ASPRV1: variants seen among roughly 807,000 people sequenced by gnomAD.
The protein encoded by ASPRV1 is retroviral-like aspartic protease 1.
ASPRV1 carries 7 observed loss-of-function variants against 11.0 expected under a neutral mutation model. The observed-to-expected ratio is 0.64, with a 90% CI of 0.36 to 1.20. The LOEUF (loss-of-function observed/expected upper bound fraction) is 1.20. Among genes scored for constraint, ASPRV1 ranks in the 50% most tolerant of loss-of-function variants. ASPRV1 has a pLI of 0.02. For synonymous variants in ASPRV1, 136 were observed against 138.4 expected (o/e 0.98, Z 0.12); for missense variants, 299 against 320.0 (o/e 0.93, Z 0.50).
At chr2:69,983,147 G>T in the ASPRV1 span, among the ~76,000 whole-genome samples, 1 of 152,126 alleles carries the variant, frequency 6.6e-6, no homozygotes, top group Admixed American at 6.6e-5. Flanking sequence ...TTGAACTTCC[G>T]AGCTCAGGCA....
chr2:69,961,731 C>T (rs774509596), upstream of ASPRV1: 6 of 1,514,046 alleles, frequency 4.0e-6, no homozygotes, highest in Non-Finnish European at 2.7e-6. Flanking sequence ...ACCCCGCCCT[C>T]CTGCCAGCAT....
chr2:70,044,275 G>A, the ASPRV1 span, among the ~76,000 whole-genome samples: 1 of 152,146 alleles, frequency 6.6e-6, no homozygotes, highest in Non-Finnish European at 1.5e-5. Context: ...GCAAGTTTTT[G>A]AGGGGCAGGA....
At chr2:70,026,865 G>T in the ASPRV1 span, among the ~76,000 whole-genome samples, 15 of 151,976 alleles carry the variant, frequency 9.9e-5, no homozygotes, top group Non-Finnish European at 2.2e-4. Context: ...ACATTCCTAG[G>T]GAACCACAAA....
the ASPRV1 span, among the ~76,000 whole-genome samples, chr2:69,971,748 G>C: frequency 6.6e-6 from 1 of 152,180 alleles, no homozygotes; most frequent in Non-Finnish European, 1.5e-5. Flanking sequence ...AGCCAGCCCT[G>C]CCAATCTCCG....
the ASPRV1 span, among the ~76,000 whole-genome samples, chr2:69,951,467 GTGTGTGTGTGTGTGTGTA>G: frequency 6.0e-5 from 8 of 133,404 alleles, no homozygotes; most frequent in African/African-American, 1.6e-4. Context: ...GTGTGTGTGT[GTGTGTGTGTGTGTGTGTA>G]TATCTATATG....
chr2:70,085,672 G>A, the ASPRV1 span: 1 of 152,244 alleles, frequency 6.6e-6, no homozygotes, highest in Non-Finnish European at 1.5e-5. Context: ...ACCTACCTCA[G>A]AGGACCATGG....
the ASPRV1 span, among the ~76,000 whole-genome samples, chr2:70,084,265 G>A: frequency 6.6e-6 from 1 of 152,164 alleles, no homozygotes; most frequent in African/African-American, 2.4e-5. Flanking sequence ...CCAGAAGAAG[G>A]CTTTGTTTGA....
chr2:69,947,752 T>C, the ASPRV1 span, among the ~76,000 whole-genome samples: 2 of 151,518 alleles, frequency 1.3e-5, no homozygotes, highest in African/African-American at 4.9e-5. Context: ...ATGTGAGGGG[T>C]TTTTGGTTTT....
At chr2:70,059,874 G>T in the ASPRV1 span, 1 of 152,174 alleles carries the variant, frequency 6.6e-6, no homozygotes, top group Admixed American at 6.6e-5. Flanking sequence ...AAACACAGAT[G>T]AAGCTTTGCT....
the ASPRV1 span, among the ~76,000 whole-genome samples, chr2:70,006,993 T>C: frequency 7.2e-5 from 11 of 152,310 alleles, no homozygotes; most frequent in East Asian, 3.9e-4. Context: ...GGGAAAGTTA[T>C]TGACCTCTTT....
the ASPRV1 span, among the ~76,000 whole-genome samples, chr2:70,078,093 G>A: frequency 4.6e-5 from 7 of 152,280 alleles, no homozygotes; most frequent in Admixed American, 6.5e-5. Context: ...GGAGGCGGAA[G>A]CTGCACTGAG....
the ASPRV1 span, among the ~76,000 whole-genome samples, chr2:70,048,216 C>T: frequency 8.0e-5 from 12 of 149,380 alleles, no homozygotes; most frequent in Middle Eastern, 3.3e-3. Flanking sequence ...GAGATCGAGA[C>T]CATCCTGGCT....
the ASPRV1 span, chr2:70,031,915 C>G: frequency 3.9e-5 from 6 of 152,322 alleles, no homozygotes; most frequent in South Asian, 1.2e-3. Flanking sequence ...TTACATTTTA[C>G]AGGCTTGGGA....
At chr2:69,980,540 A>G in the ASPRV1 span, among the ~76,000 whole-genome samples, 2 of 152,176 alleles carry the variant, frequency 1.3e-5, no homozygotes, top group Admixed American at 6.5e-5. Context: ...TAAATACAAC[A>G]TGCTATCCTG....
In ASPRV1 at chr2:69,960,738, C is replaced by T; in HGVS notation, c.699G>A (p.Gly233=). ...GKKFRLLPVG[G]SLEDEFDLEL... ...CCAGGTCAAACTCATCTTCCAGGGA[C>T]CCTCCCACAGGCAGAAGGCGAAACT... The change falls in exon 1 of 1, where the codon GGG becomes GGA. Residue 233 remains glycine, a synonymous_variant. Coordinates refer to ENST00000320256, the MANE Select transcript of ASPRV1 (RefSeq NM_152792.4). 6.2e-7 allele frequency: 1 copy of T among 1,614,128 alleles called. No homozygotes were observed. The highest frequency in any genetic ancestry group is 8.5e-7 in the Non-Finnish European group (1 of 1,180,022).
At chr2:69,951,249 C>A in the ASPRV1 span, among the ~76,000 whole-genome samples, 1 of 151,706 alleles carries the variant, frequency 6.6e-6, no homozygotes, top group Non-Finnish European at 1.5e-5. Flanking sequence ...CTTGGTGAAA[C>A]CCCGTCTCTA....
chr2:70,038,601 C>G, the ASPRV1 span, among the ~76,000 whole-genome samples: 4 of 150,364 alleles, frequency 2.7e-5, no homozygotes, highest in Non-Finnish European at 5.9e-5. Flanking sequence ...GAAAAAAAAG[C>G]GTATGAAGCT....
At chr2:70,021,729 A>T in the ASPRV1 span, among the ~76,000 whole-genome samples, 5 of 150,370 alleles carry the variant, frequency 3.3e-5, no homozygotes, top group Non-Finnish European at 7.4e-5. Context: ...TTTGAGACAG[A>T]GTCTCTCTCT....
At chr2:70,026,608 A>G in the ASPRV1 span, among the ~76,000 whole-genome samples, 1 of 152,024 alleles carries the variant, frequency 6.6e-6, no homozygotes, top group Non-Finnish European at 1.5e-5. Context: ...ACAATAGCAA[A>G]AAAAAATAAA....
Sources: gnomAD v4.1 joint callset for allele counts (sites outside exome capture counted in the v4.1 genomes callset) on GRCh38, gnomAD v4.1.1 for gene constraint, MANE v1.5 for transcripts, NCBI Gene and HGNC (gene_info 2026-07-23, HGNC 2026-07-21) for gene names.